EEA1: variants seen among roughly 807,000 people sequenced by gnomAD.
The protein encoded by EEA1 is early endosome antigen 1, also known as early endosome antigen 1, 162kD.
In EEA1, 111 loss-of-function variants were observed where a neutral mutation model predicts 209.2. That is an observed-to-expected ratio of 0.53 (90% confidence interval 0.45 to 0.62). The LOEUF is 0.62. EEA1 is among the 20% of genes least tolerant of loss of function. The probability of loss-of-function intolerance (pLI) is 0.00; values close to 1 mark genes in which losing one functional copy is unlikely to be tolerated. For synonymous variants in EEA1, 536 were observed against 540.6 expected (o/e 0.99, Z 0.12); for missense variants, 1,343 against 1,530.8 (o/e 0.88, Z 2.05).
intron 1 of EEA1, among the ~76,000 whole-genome samples, chr12:92,911,573 T>G (rs990894544): frequency 7.2e-5 from 11 of 152,112 alleles, no homozygotes; most frequent in Admixed American, 7.2e-4. Flanking sequence ...TACTAAAAAT[T>G]TGTCCCAAAA....
chr12:92,828,690 TAAG>T (rs1455028585), intron 11 of EEA1, among the ~76,000 whole-genome samples: 1 of 151,700 alleles, frequency 6.6e-6, no homozygotes, highest in African/African-American at 2.4e-5. Flanking sequence ...CTAAGGGAGT[TAAG>T]AACCATCACG....
At chr12:92,883,874 T>C (rs542868027) in intron 2 of EEA1, 26 of 1,599,678 alleles carry the variant, frequency 1.6e-5, no homozygotes, top group South Asian at 1.4e-4. Context: ...AGGAGCCATT[T>C]TGAGCAATGG....
intron 1 of EEA1, 116 bp downstream of exon 1, chr12:92,928,927 G>T: frequency 8.8e-7 from 1 of 1,139,046 alleles, no homozygotes; most frequent in Non-Finnish European, 1.2e-6. Flanking sequence ...GCGCCTGCCG[G>T]GCTGTGGGGC....
rs114562406 is a variant in EEA1, at chr12:92,902,022, T to C, written c.25-10301A>G. On this transcript the variant is annotated intron_variant, in intron 1 of 28. Coordinates refer to ENST00000322349, the MANE Select transcript of EEA1 (RefSeq NM_003566.4). The stretch of plus-strand genomic sequence containing the variant: ...TGCAAAAAGAATGGGATTGGAATGA[T>C]TTATGCTAAAAATTTAAAGTGATAG... Among the ~76,000 whole-genome samples, 539 of 152,224 alleles carry C rather than the reference T, an allele frequency of 3.5e-3. 4 individuals are homozygous for C. The highest frequency in any genetic ancestry group is 0.014 in the Middle Eastern group (4 of 294).
chr12:92,795,106 A>C (rs1183756736), intron 21 of EEA1, among the ~76,000 whole-genome samples: 1 of 152,152 alleles, frequency 6.6e-6, no homozygotes, highest in Admixed American at 6.6e-5. Context: ...AAATTCTCCA[A>C]TAGAGTCCAA....
intron 11 of EEA1, among the ~76,000 whole-genome samples, chr12:92,829,589 G>A (rs907554623): frequency 4.0e-5 from 6 of 151,858 alleles, no homozygotes; most frequent in African/African-American, 1.2e-4. Flanking sequence ...GACCAGCCTG[G>A]GCAACATGGT....
intron 2 of EEA1, among the ~76,000 whole-genome samples, chr12:92,872,707 C>T (rs972580295): frequency 6.6e-6 from 1 of 152,154 alleles, no homozygotes; most frequent in African/African-American, 2.4e-5. Flanking sequence ...ATCCCCAGCA[C>T]TTTGGGAGGC....
intron 5 of EEA1, among the ~76,000 whole-genome samples, chr12:92,855,817 T>C (rs536581411): frequency 1.7e-4 from 26 of 152,346 alleles, no homozygotes; most frequent in African/African-American, 6.3e-4. Flanking sequence ...GTGTATTAAA[T>C]GTGAAATAGT....
At position 92,901,571 on chromosome 12, in the gene EEA1, G is replaced by GA. The variant is rs1555208331; in HGVS notation, c.25-9851_25-9850insT. The stretch of plus-strand genomic sequence containing the variant: ...CTGTTAAATTATCTAAGAACTTCTT[G>GA]TTTTTTTTTTTTTGAGACGGAGTTT... On this transcript the variant is annotated intron_variant, in intron 1 of 28. Transcript: ENST00000322349. Among the ~76,000 whole-genome samples, 57 of 143,028 alleles carry GA rather than the reference G, an allele frequency of 4.0e-4. 1 individual carries two copies. Among genetic ancestry groups the GA allele is most frequent in the Non-Finnish European group, 8.0e-4 (52 of 64,958 alleles). 93.8% of individuals were successfully genotyped at this position (143,028 alleles called of 152,430 possible). A position where few individuals can be genotyped will look rare whatever the true frequency, so the allele number is the denominator to read the frequency against.
intron 21 of EEA1, among the ~76,000 whole-genome samples, chr12:92,795,726 T>G (rs2136661847): frequency 6.6e-6 from 1 of 152,322 alleles, no homozygotes; most frequent in East Asian, 1.9e-4. Flanking sequence ...CATGCCATCC[T>G]CCTTTCATAG....
intron 5 of EEA1, among the ~76,000 whole-genome samples, chr12:92,855,158 G>A (rs1363050693): frequency 1.3e-5 from 2 of 152,200 alleles, no homozygotes; most frequent in South Asian, 2.1e-4. Context: ...GGCCGGGCGC[G>A]GTGGCTCACG....
intron 2 of EEA1, among the ~76,000 whole-genome samples, chr12:92,883,369 T>C (rs562750814): frequency 3.3e-5 from 5 of 152,314 alleles, no homozygotes; most frequent in African/African-American, 1.2e-4. Flanking sequence ...GCAGGCTATC[T>C]CTTAACTCTG....
At chr12:92,878,967 T>C (rs1472330618) in intron 2 of EEA1, among the ~76,000 whole-genome samples, 1 of 152,186 alleles carries the variant, frequency 6.6e-6, no homozygotes, top group Non-Finnish European at 1.5e-5. Context: ...CAAGCCCAGA[T>C]GGTTTTACTA....
intron 11 of EEA1, among the ~76,000 whole-genome samples, chr12:92,830,524 T>C (rs1374030065): frequency 6.6e-6 from 1 of 151,190 alleles, no homozygotes; most frequent in Non-Finnish European, 1.5e-5. Context: ...AAAAAAAAAT[T>C]ATAAAAAGTG....
At chr12:92,917,554 T>C (rs1759448700) in intron 1 of EEA1, among the ~76,000 whole-genome samples, 1 of 151,312 alleles carries the variant, frequency 6.6e-6, no homozygotes, top group Non-Finnish European at 1.5e-5. Context: ...TGAGAGATTT[T>C]GTCACCACCA....
In EEA1 at chr12:92,779,063, A is replaced by G. The variant is rs187712734; in HGVS notation, c.3654+52T>C. The G allele has an allele frequency of 7.3e-5, 107 of 1,468,576 alleles. No homozygotes were observed. The African/African-American group carries it at 1.5e-3, about 20-fold the overall frequency. The allele number at this position is 1,468,576 out of a possible 1,614,324, so 91.0% of individuals were successfully genotyped here. ...ATAAGTAGAACAGTCCTCTCACTGG[A>G]TTGATTTAAAGCTCTACTGCAAAAC... is the stretch of plus-strand genomic sequence containing the variant. On this transcript the variant is annotated intron_variant, in intron 25 of 28. Coordinates refer to ENST00000322349, the MANE Select transcript of EEA1 (RefSeq NM_003566.4).
rs1037540974 is a variant in EEA1 at position 92,813,092 on chromosome 12, A to G, written c.1931T>C (p.Ile644Thr). Residue 644 changes from isoleucine (I) to threonine (T), a missense_variant and splice_region_variant, in exon 16 of 29, where the codon ATT becomes ACT. Transcript: ENST00000322349. ...TAGTAATAGTTCGGTTTTGGCTTTA[A>G]TCTGTAACAGCATTTACAAATTATT... ...KEKVSQLDIQ[I>T]KAKTELLLSA... is the part of the protein sequence containing the mutation. 1 of 1,565,002 alleles carries G rather than the reference A, an allele frequency of 6.4e-7. No individual in the cohort carries two copies. Among genetic ancestry groups the G allele is most frequent in the African/African-American group, 1.4e-5 (1 of 73,938 alleles).
chr12:92,780,458 A>G, intron 23 of EEA1, 47 bp from the exon 24 acceptor site: 1 of 1,275,302 alleles, frequency 7.8e-7, no homozygotes. Flanking sequence ...GCAAATACTT[A>G]AATGAAAATG....
intron 2 of EEA1, among the ~76,000 whole-genome samples, chr12:92,890,364 A>G (rs546425722): frequency 5.4e-4 from 82 of 152,202 alleles, no homozygotes; most frequent in Non-Finnish European, 9.6e-4. Flanking sequence ...TCAGTGTAAT[A>G]AAGTAAGAGG....
Sources: allele counts gnomAD v4.1 joint callset (sites outside exome capture counted in the v4.1 genomes callset), GRCh38; gene constraint gnomAD v4.1.1; transcripts MANE v1.5; gene names NCBI Gene and HGNC (gene_info 2026-07-23, HGNC 2026-07-21).